OPRK1: variants seen among roughly 807,000 people sequenced by gnomAD.
OPRK1 encodes opioid receptor kappa 1.
Under a neutral mutation model 24.5 loss-of-function variants are expected in OPRK1, and 15 were observed. That is an observed-to-expected ratio of 0.61 (90% CI 0.41 to 0.94). The LOEUF (loss-of-function observed/expected upper bound fraction) is 0.94. Ranked by LOEUF, OPRK1 falls within the 40% of genes least tolerant of loss-of-function variation. The pLI is 0.00. For missense variants in OPRK1, 479 were observed against 507.3 expected (o/e 0.94, Z 0.54); for synonymous variants, 205 against 198.0 (o/e 1.04, Z -0.30).
chr8:53,233,059 T>G (rs995039094), intron 3 of OPRK1, among the ~76,000 whole-genome samples: 1 of 152,238 alleles, frequency 6.6e-6, no homozygotes, highest in Admixed American at 6.5e-5. Flanking sequence ...TATGATAAAG[T>G]TGGGCATTTC....
At chr8:53,233,996 G>T (rs1806918482) in intron 3 of OPRK1, among the ~76,000 whole-genome samples, 1 of 151,924 alleles carries the variant, frequency 6.6e-6, no homozygotes, top group African/African-American at 2.4e-5. Context: ...AAGAGATTGA[G>T]ACCACCCTGG....
chr8:53,228,719 T>C lies in OPRK1; in HGVS notation c.*578A>G, dbSNP rs2128807379. 1 of 152,422 alleles carries C rather than the reference T, an allele frequency of 6.6e-6. No individual in the cohort carries two copies. The highest frequency in any genetic ancestry group is 2.1e-4 in the South Asian group (1 of 4,826). 9.4% of individuals were successfully genotyped at this position (152,422 alleles called of 1,614,324 possible). On this transcript the variant is annotated 3_prime_UTR_variant, in exon 4 of 4. Transcript: ENST00000265572. ...TAAATAGCAAGATAATGTTCTGGTA[T>C]AAGTGAACATCAGATTCCTCAGATG...
chr8:53,228,716 G>A lies in OPRK1; in HGVS notation c.*581C>T, dbSNP rs1291705781. On this transcript the variant is annotated 3_prime_UTR_variant, in exon 4 of 4. Coordinates refer to ENST00000265572, the MANE Select transcript of OPRK1 (RefSeq NM_000912.5). ...TCATAAATAGCAAGATAATGTTCTG[G>A]TATAAGTGAACATCAGATTCCTCAG... 6.6e-6 allele frequency: 1 copy of A among 152,212 alleles called. No individual in the cohort carries two copies. The highest frequency in any genetic ancestry group is 1.5e-5 in the Non-Finnish European group (1 of 68,100). 9.4% of individuals were successfully genotyped at this position (152,212 alleles called of 1,614,324 possible).
At chr8:53,237,676 C>G (rs905271979) in intron 2 of OPRK1, among the ~76,000 whole-genome samples, 2 of 152,080 alleles carry the variant, frequency 1.3e-5, no homozygotes, top group Non-Finnish European at 2.9e-5. Context: ...AAATTTAAAC[C>G]CAGGGGTTTG....
chr8:53,243,848 A>G (rs977390908), intron 2 of OPRK1, among the ~76,000 whole-genome samples: 1 of 152,216 alleles, frequency 6.6e-6, no homozygotes. Context: ...CAAAGCCTAA[A>G]ATAAGACTGG....
chr8:53,241,145 C>G (rs761176202), intron 2 of OPRK1, among the ~76,000 whole-genome samples: 2 of 152,110 alleles, frequency 1.3e-5, no homozygotes, highest in Non-Finnish European at 2.9e-5. Context: ...TATATGGGAA[C>G]TGTAACTTCC....
chr8:53,233,302 C>G (rs955321804), intron 3 of OPRK1, among the ~76,000 whole-genome samples: 1 of 152,156 alleles, frequency 6.6e-6, no homozygotes, highest in African/African-American at 2.4e-5. Context: ...AAATGGACCA[C>G]TCTGTAGGGG....
Position 53,226,742 on chromosome 8 carries a change from CA to C in OPRK1, c.*2554del, listed in dbSNP as rs1806701046. ...TTCCCTGCTACGTTGTTTACTTTAT[CA>C]TTCCTTTAAAGCAGTACCCTAAAAT... On this transcript the variant is annotated 3_prime_UTR_variant, in exon 4 of 4. Transcript: ENST00000265572. 8.6e-6 allele frequency: 1 copy of C among 115,786 alleles called. No individual in the cohort carries two copies. Among genetic ancestry groups the C allele is most frequent in the African/African-American group, 4.2e-5 (1 of 23,650 alleles). 7.2% of individuals were successfully genotyped at this position (115,786 alleles called of 1,614,324 possible). A position where few individuals can be genotyped will look rare whatever the true frequency, so the allele number is the denominator to read the frequency against.
At chr8:53,244,241 A>G (rs915781596) in intron 2 of OPRK1, among the ~76,000 whole-genome samples, 18 of 152,178 alleles carry the variant, frequency 1.2e-4, no homozygotes, top group Non-Finnish European at 2.5e-4. Context: ...ATATCCCAGC[A>G]GAGGAAGCCT....
At chr8:53,239,793 A>G (rs930812654) in intron 2 of OPRK1, among the ~76,000 whole-genome samples, 1 of 152,182 alleles carries the variant, frequency 6.6e-6, no homozygotes, top group African/African-American at 2.4e-5. Flanking sequence ...AGCCCTAATA[A>G]GCCATATCAC....
intron 2 of OPRK1, among the ~76,000 whole-genome samples, chr8:53,235,349 A>T (rs1198768501): frequency 6.6e-6 from 1 of 152,250 alleles, no homozygotes; most frequent in Non-Finnish European, 1.5e-5. Context: ...TATAGAAGAT[A>T]CAGAAAATAG....
At chr8:53,247,028 G>T (rs552065743) in intron 2 of OPRK1, among the ~76,000 whole-genome samples, 2 of 152,334 alleles carry the variant, frequency 1.3e-5, no homozygotes, top group South Asian at 2.1e-4. Flanking sequence ...CATCCAACTA[G>T]CTGGGTATAG....
At position 53,229,046 on chromosome 8, in the gene OPRK1, G is replaced by C; in HGVS notation, c.*251C>G. Reference sequence around the variant, plus strand: ...AAAAGACCTGTTCCCTTGTTCATCAGAGGAACTGAGGCTCTGCCTCGCTTC... The same window carrying C: ...AAAAGACCTGTTCCCTTGTTCATCACAGGAACTGAGGCTCTGCCTCGCTTC... On this transcript the variant is annotated 3_prime_UTR_variant, in exon 4 of 4. Coordinates refer to ENST00000265572, the MANE Select transcript of OPRK1 (RefSeq NM_000912.5). The C allele has an allele frequency of 2.4e-6, 1 of 418,682 alleles. No homozygotes were observed. The highest frequency in any genetic ancestry group is 4.3e-6 in the Non-Finnish European group (1 of 234,104). The allele number at this position is 418,682 out of a possible 1,614,324, so 25.9% of individuals were successfully genotyped here. A position where few individuals can be genotyped will look rare whatever the true frequency, so the allele number is the denominator to read the frequency against.
Position 53,226,787 on chromosome 8 carries a change from C to T in OPRK1, c.*2510G>A, listed in dbSNP as rs1315605961. 6.6e-6 allele frequency: 1 copy of T among 152,210 alleles called. No individual in the cohort carries two copies. Among genetic ancestry groups the T allele is most frequent in the Non-Finnish European group, 1.5e-5 (1 of 68,036 alleles). 9.4% of individuals were successfully genotyped at this position (152,210 alleles called of 1,614,324 possible). Reference sequence around the variant, plus strand: ...CTAAAATGATATTCCCTTCTTCACTCCTTTTTCAATGTTGGGGAGTCGATA... The same window carrying T: ...CTAAAATGATATTCCCTTCTTCACTTCTTTTTCAATGTTGGGGAGTCGATA... On this transcript the variant is annotated 3_prime_UTR_variant, in exon 4 of 4. Transcript: ENST00000265572.
intron 2 of OPRK1, among the ~76,000 whole-genome samples, chr8:53,236,657 C>T (rs935496248): frequency 2.0e-5 from 3 of 152,114 alleles, no homozygotes; most frequent in Non-Finnish European, 4.4e-5. Flanking sequence ...GCAGAGATAG[C>T]CAAGCAAGGA....
rs1806795830 is a variant in OPRK1 at position 53,229,397 on chromosome 8, A to G, written c.1043T>C (p.Leu348Pro). The G allele has an allele frequency of 1.9e-6, 3 of 1,614,056 alleles. No homozygotes were observed. The highest frequency in any genetic ancestry group is 2.2e-5 in the East Asian group (1 of 44,888). ...GCTCTGCCGCTCCATCCTCATCTTC[A>G]GTGGAAAGCAGAAGTCCCGGAAACA... Reference protein sequence around the residue: ...KRCFRDFCFPLKMRMERQSTS... With the variant: ...KRCFRDFCFPPKMRMERQSTS... The change falls in exon 4 of 4, where the codon CTG becomes CCG. Residue 348 changes from leucine (L) to proline (P), a missense_variant. By Grantham distance (98) the Leu-to-Pro change is moderately conservative. Transcript: ENST00000265572.
At chr8:53,246,087 A>T (rs1278322338) in intron 2 of OPRK1, among the ~76,000 whole-genome samples, 1 of 152,216 alleles carries the variant, frequency 6.6e-6, no homozygotes, top group Non-Finnish European at 1.5e-5. Context: ...AGGACAGAAG[A>T]GAGCTGAGAA....
chr8:53,249,159 G>T (rs1807306669), intron 2 of OPRK1, among the ~76,000 whole-genome samples: 1 of 150,880 alleles, frequency 6.6e-6, no homozygotes, highest in African/African-American at 2.4e-5. Flanking sequence ...GCAGACTTCA[G>T]GGGCTCATTC....
intron 2 of OPRK1, among the ~76,000 whole-genome samples, chr8:53,246,577 T>C (rs1307277380): frequency 6.7e-6 from 1 of 148,176 alleles, no homozygotes. Flanking sequence ...AGAAAGGAGA[T>C]AGCTTATATG....
Sources: gnomAD v4.1 joint callset for allele counts (sites outside exome capture counted in the v4.1 genomes callset) on GRCh38, gnomAD v4.1.1 for gene constraint, MANE v1.5 for transcripts, NCBI Gene and HGNC (gene_info 2026-07-23, HGNC 2026-07-21) for gene names.